The following MYO15A variants were observed in gnomAD, a reference collection of about 807,000 sequenced individuals.
MYO15A encodes myosin XVA, also known as unconventional myosin-XV.
A neutral mutation model predicts 394.6 loss-of-function variants in MYO15A; 308 were observed. The observed-to-expected ratio is 0.78, with a 90% CI of 0.71 to 0.86. The LOEUF (loss-of-function observed/expected upper bound fraction) is 0.86. Among genes scored for constraint, MYO15A ranks in the 40% least tolerant of loss-of-function variants. The pLI, the probability that MYO15A is intolerant of heterozygous loss-of-function variation, is 0.00. For synonymous variants in MYO15A, 1,957 were observed against 2,003.8 expected, an observed-to-expected ratio of 0.98 and a Z score of 0.62; for missense variants, 4,606 against 4,799.1, an observed-to-expected ratio of 0.96 and a Z score of 1.19.
chr17:18,119,034 C>G lies in MYO15A; in HGVS notation c.234C>G (p.Thr78=), dbSNP rs755902122. The G allele has an allele frequency of 6.2e-7, 1 of 1,612,600 alleles. No individual in the cohort carries two copies. The highest frequency in any genetic ancestry group is 8.5e-7 in the Non-Finnish European group (1 of 1,179,892). ...CCAAGCGCAAGAGGAAGGCCCGCAC[C>G]GTGCTCAAGTCCACGTCAAAGCTCA... ...QKTKRKRKAR[T]VLKSTSKLMT... is the part of the protein sequence containing the mutation. Residue 78 remains threonine, a synonymous_variant, in exon 2 of 66, where the codon ACC becomes ACG. Coordinates refer to ENST00000647165, the MANE Select transcript of MYO15A (RefSeq NM_016239.4).
chr17:18,154,657 T>G (rs2046642774), intron 44 of MYO15A, 23 bp from the exon 45 acceptor site: 5 of 1,611,654 alleles, frequency 3.1e-6, no homozygotes, highest in Non-Finnish European at 4.2e-6. Flanking sequence ...ATGTGCTGCC[T>G]GCATCACAGC....
chr17:18,140,517 G>A lies in MYO15A; in HGVS notation c.5212G>A (p.Val1738Met), dbSNP rs760539239. 6 of 1,613,528 alleles carry A rather than the reference G, an allele frequency of 3.7e-6. No individual in the cohort carries two copies. The South Asian group carries it at 4.4e-5, about 12-fold the overall frequency. ...LDLFVRSRTR[V>M]VAHLFSSHAP... The stretch of plus-strand genomic sequence containing the variant: ...TTTCCCTGCCCCGACCCCTGCCCAG[G>A]TGGTGGCACACCTCTTCTCCAGCCA... The change falls in exon 20 of 66, where the codon GTG (valine) becomes ATG (methionine). Residue 1738 changes from valine to methionine, a missense_variant and splice_region_variant. Around this residue, in one of 2 missense-constraint regions of MYO15A, gnomAD observed 2,776 missense variants for 3,109.3 expected, o/e 0.89. Transcript: ENST00000647165.
intron 15 of MYO15A, among the ~76,000 whole-genome samples, chr17:18,137,066 C>T (rs564382891): frequency 2.9e-4 from 44 of 152,188 alleles, no homozygotes; most frequent in Admixed American, 1.3e-3. Context: ...GGAGGGGTGG[C>T]GGGTCATGAG....
chr17:18,126,649 G>A (rs776558108), intron 5 of MYO15A, 142 bp from the exon 6 acceptor site: 12 of 1,155,632 alleles, frequency 1.0e-5, no homozygotes, highest in Non-Finnish European at 1.4e-5. Flanking sequence ...TTCAGACCAG[G>A]ATGGGGGTGG....
At chr17:18,122,436 G>A in intron 2 of MYO15A, 27 bp downstream of exon 2, 1 of 1,604,358 alleles carries the variant, frequency 6.2e-7, no homozygotes, top group East Asian at 2.2e-5. Context: ...TACACGGAGG[G>A]TTTGAGGGTT....
chr17:18,119,987 A>C lies in MYO15A; in HGVS notation c.1187A>C (p.Glu396Ala). 6.2e-7 allele frequency: 1 copy of C among 1,613,600 alleles called. No homozygotes were observed. Among genetic ancestry groups the C allele is most frequent in the Non-Finnish European group, 8.5e-7 (1 of 1,179,992 alleles). The change falls in exon 2 of 66, where the codon GAG (glutamate) becomes GCG (alanine). Residue 396 changes from glutamate to alanine, a missense_variant. Glu to Ala is a moderately radical substitution (Grantham distance 107, BLOSUM62 -1). This residue lies in a region of MYO15A where 1,830 missense variants were observed against 1,689.7 expected (regional missense o/e 1.08). Coordinates refer to ENST00000647165, the MANE Select transcript of MYO15A (RefSeq NM_016239.4). The part of the protein sequence containing the change: ...GGGDEAIYPP[E>A]VPYFYPEESA... ...GGGGACGAGGCCATCTACCCCCCCG[A>C]GGTGCCCTATTTTTACCCGGAGGAG...
In MYO15A at chr17:18,114,222, G is replaced by C. The variant is rs918316457; in HGVS notation, c.-219-4360G>C. On this transcript the variant is annotated intron_variant, in intron 1 of 65. Transcript: ENST00000647165. ...GTATGCTCACAAGTGTGCCCACCTT[G>C]TGACCACCACAGTCCTGTCTTTTTT... 3.1e-4 allele frequency among the ~76,000 whole-genome samples: 43 copies of C among 137,012 alleles called. 1 individual carries two copies. Among genetic ancestry groups the C allele is most frequent in the African/African-American group, 1.0e-3 (39 of 37,442 alleles). The allele number at this position is 137,012 out of a possible 152,430, so 89.9% of individuals were successfully genotyped here.
intron 12 of MYO15A, among the ~76,000 whole-genome samples, chr17:18,135,435 G>A (rs189419969): frequency 2.6e-5 from 4 of 152,046 alleles, no homozygotes; most frequent in African/African-American, 7.2e-5. Flanking sequence ...TCCACCTCCC[G>A]GGTTCAAGCA....
At chr17:18,113,485 T>C (rs2045746908) in intron 1 of MYO15A, among the ~76,000 whole-genome samples, 1 of 152,142 alleles carries the variant, frequency 6.6e-6, no homozygotes, top group Non-Finnish European at 1.5e-5. Flanking sequence ...GCATGGTGGC[T>C]CAGTGGCTCA....
chr17:18,158,703 A>T (rs1402045085), intron 52 of MYO15A, 65 bp downstream of exon 52: 21 of 1,567,498 alleles, frequency 1.3e-5, no homozygotes, highest in Non-Finnish European at 1.6e-5. Flanking sequence ...TGCCATCCAA[A>T]CTGCAGGCTG....
At position 18,146,690 on chromosome 17, in the gene MYO15A, C is replaced by T. The variant is rs921831837; in HGVS notation, c.6509+583C>T. 2.0e-5 allele frequency among the ~76,000 whole-genome samples: 3 copies of T among 152,136 alleles called. No homozygotes were observed. The East Asian group carries it at 5.8e-4, about 29-fold the overall frequency. On this transcript the variant is annotated intron_variant, in intron 30 of 65. Transcript: ENST00000647165. Reference sequence around the variant, plus strand: ...CTGTAATCCCAGCACTTTGGGAGGCCAAGATGGGAGGATCGCTTGAGCCCA... The same window carrying T: ...CTGTAATCCCAGCACTTTGGGAGGCTAAGATGGGAGGATCGCTTGAGCCCA...
chr17:18,138,338 TCTGGC>T (rs1205003565), intron 17 of MYO15A, 92 bp downstream of exon 17: 1 of 1,497,624 alleles, frequency 6.7e-7, no homozygotes, highest in Non-Finnish European at 9.1e-7. Flanking sequence ...TCCTCTCTGC[TCTGGC>T]CTGAGTCAGG....
At chr17:18,159,899 A>G in intron 55 of MYO15A, 36 bp from the exon 56 acceptor site, 1 of 1,609,118 alleles carries the variant, frequency 6.2e-7, no homozygotes, top group Non-Finnish European at 8.5e-7. Flanking sequence ...AGCCCCTCAC[A>G]TGTCTTTGGT....
In MYO15A at chr17:18,151,383, C is replaced by A. The variant is rs773809213; in HGVS notation, c.7655-12C>A. On this transcript the variant is annotated splice_polypyrimidine_tract_variant and intron_variant, in intron 39 of 65. Transcript: ENST00000647165. ...GGCCTCACCCTGTTCCCACCGCGCC[C>A]CTTGCCCACAGCTTCACCCTCCCCA... 6.2e-7 allele frequency: 1 copy of A among 1,614,218 alleles called. No homozygotes were observed. The highest frequency in any genetic ancestry group is 8.5e-7 in the Non-Finnish European group (1 of 1,180,036).
Position 18,121,891 on chromosome 17 carries a change from AC to A in MYO15A, c.3095del (p.Pro1032GlnfsTer26), listed in dbSNP as rs1256094664. The A allele has an allele frequency of 1.2e-6, 2 of 1,612,626 alleles. No individual in the cohort carries two copies. The highest frequency in any genetic ancestry group is 1.1e-5 in the South Asian group (1 of 91,076). Reference sequence around the variant, plus strand: ...GCTGCCAGCAGAGACCAAGCCTCCAACCCCAGCACCTCCCAAGGATGTCACT... The same window carrying A: ...GCTGCCAGCAGAGACCAAGCCTCCAACCCAGCACCTCCCAAGGATGTCACT... ...PQLPAETKPP[T>X]PAPPKDVTPP... On this transcript the variant is annotated frameshift_variant, in exon 2 of 66. Transcript: ENST00000647165. LOFTEE classifies it high-confidence loss of function. This position sits in a 1 kb window ranked among gnomAD's most constrained non-coding sequence, Gnocchi z 5.3.
rs1382380983 is a variant in MYO15A, at chr17:18,119,021, G to GGAA, written c.223_225dup (p.Lys75dup). The GGAA allele has an allele frequency of 6.2e-7, 1 of 1,612,538 alleles. No individual in the cohort carries two copies. Among genetic ancestry groups the GGAA allele is most frequent in the East Asian group, 2.2e-5 (1 of 44,870 alleles). On this transcript the variant is annotated inframe_insertion, in exon 2 of 66. Transcript: ENST00000647165. ...GGCCCCCAGAAGACCAAGCGCAAGA[G>GGAA]GAAGGCCCGCACCGTGCTCAAGTCC... is the stretch of plus-strand genomic sequence containing the variant.
intron 60 of MYO15A, chr17:18,165,146 C>T (rs1388964366): frequency 6.7e-6 from 1 of 150,330 alleles, no homozygotes; most frequent in Admixed American, 6.6e-5. Flanking sequence ...ATCCCCACGA[C>T]AACCTTATGA....
chr17:18,172,075 G>C, intron 63 of MYO15A, 82 bp from the exon 64 acceptor site: 1 of 1,608,024 alleles, frequency 6.2e-7, no homozygotes, highest in Non-Finnish European at 8.5e-7. Flanking sequence ...ACACAGCCCA[G>C]AGAAGCTATG....
In MYO15A at chr17:18,114,241, C is replaced by CTTTTTTTTTT. The variant is rs10583154; in HGVS notation, c.-219-4324_-219-4315dup. Among the ~76,000 whole-genome samples the CTTTTTTTTTT allele has an allele frequency of 1.2e-3, 68 of 55,598 alleles. 18 individuals carry two copies. The highest frequency in any genetic ancestry group is 1.9e-3 in the Non-Finnish European group (59 of 31,160). 36.5% of individuals were successfully genotyped at this position (55,598 alleles called of 152,430 possible). The stretch of plus-strand genomic sequence containing the variant: ...CACCTTGTGACCACCACAGTCCTGT[C>CTTTTTTTTTT]TTTTTTTTTTTTTTTTTTTTTTTTT... On this transcript the variant is annotated intron_variant, in intron 1 of 65. Transcript: ENST00000647165.
Sources: allele counts gnomAD v4.1 joint callset (sites outside exome capture counted in the v4.1 genomes callset), GRCh38; gene constraint gnomAD v4.1.1; regional missense constraint gnomAD v4.1.1; non-coding constraint Gnocchi (gnomAD v3.1); transcripts MANE v1.5; gene names NCBI Gene and HGNC (gene_info 2026-07-23, HGNC 2026-07-21).